The following NRXN1 variants were observed in gnomAD, a reference collection of about 807,000 sequenced individuals.
The protein encoded by NRXN1 is neurexin 1, also known as neurexin-1.
A neutral mutation model predicts 150.9 loss-of-function variants in NRXN1; 39 were observed. The ratio of observed to expected loss-of-function variants is 0.26; its 90% confidence interval spans 0.20 to 0.34. The LOEUF is 0.34. Ranked by LOEUF, NRXN1 falls within the 10% of genes least tolerant of loss-of-function variation. The pLI, the probability that NRXN1 is intolerant of heterozygous loss-of-function variation, is 1.00. For synonymous variants in NRXN1, 924 were observed against 757.0 expected (o/e 1.22, Z -3.62); for missense variants, 1,815 against 1,949.9 (o/e 0.93, Z 1.30).
At chr2:50,662,291 G>C (rs1687409655) in intron 5 of NRXN1, among the ~76,000 whole-genome samples, 1 of 151,924 alleles carries the variant, frequency 6.6e-6, no homozygotes, top group Admixed American at 6.6e-5. Flanking sequence ...GGTATGTTTT[G>C]AAACATACAG....
At position 50,993,875 on chromosome 2, in the gene NRXN1, C is replaced by A. The variant is rs138404570; in HGVS notation, c.772+33627G>T. On this transcript the variant is annotated intron_variant, in intron 2 of 22. Coordinates refer to ENST00000401669, the MANE Select transcript of NRXN1 (RefSeq NM_001330078.2). ...GATGATTATGCTGAAAAGGGGAACC[C>A]AGAGCACTTTGCAAATTTATGTTCT... Among the ~76,000 whole-genome samples the A allele has an allele frequency of 7.6e-3, 1,149 of 152,034 alleles. 8 individuals are homozygous for A. The highest frequency in any genetic ancestry group is 0.011 in the Non-Finnish European group (735 of 67,912).
At chr2:50,241,292 A>T (rs969975110) in intron 17 of NRXN1, among the ~76,000 whole-genome samples, 2 of 151,768 alleles carry the variant, frequency 1.3e-5, no homozygotes, top group Non-Finnish European at 2.9e-5. Flanking sequence ...CTTTTTAAAA[A>T]TTTTATCTTT....
chr2:50,539,591 A>C (rs1025278081), intron 9 of NRXN1, among the ~76,000 whole-genome samples: 2 of 152,204 alleles, frequency 1.3e-5, no homozygotes, highest in South Asian at 2.1e-4. Context: ...AGATTACCAA[A>C]ATTCCACTGA....
intron 18 of NRXN1, among the ~76,000 whole-genome samples, chr2:50,095,589 ACT>A (rs1700107247): frequency 6.6e-6 from 1 of 152,014 alleles, no homozygotes; most frequent in Non-Finnish European, 1.5e-5. Flanking sequence ...AATGCACTAA[ACT>A]CTGAAATAAG....
chr2:50,199,248 T>A (rs572280665), intron 18 of NRXN1: 2 of 152,132 alleles, frequency 1.3e-5, no homozygotes, highest in Non-Finnish European at 2.9e-5. Flanking sequence ...ATATCCATCA[T>A]TGGCTCCAGA....
intron 18 of NRXN1, among the ~76,000 whole-genome samples, chr2:50,113,602 C>T (rs974608818): frequency 6.6e-6 from 1 of 152,186 alleles, no homozygotes; most frequent in African/African-American, 2.4e-5. Flanking sequence ...GCTATTTATA[C>T]AGTTGATCTA....
chr2:50,953,298 T>C (rs1178055331), intron 2 of NRXN1, among the ~76,000 whole-genome samples: 1 of 152,148 alleles, frequency 6.6e-6, no homozygotes, highest in Non-Finnish European at 1.5e-5. Flanking sequence ...CCTAATGAGG[T>C]TGTTACAACA....
At chr2:49,977,676 T>C (rs1052695107) in intron 21 of NRXN1, among the ~76,000 whole-genome samples, 1 of 152,060 alleles carries the variant, frequency 6.6e-6, no homozygotes, top group Non-Finnish European at 1.5e-5. Context: ...ACTCAAAGGA[T>C]GGTGACCTGG....
At chr2:51,025,536 C>A (rs984298384) in intron 2 of NRXN1, among the ~76,000 whole-genome samples, 8 of 152,140 alleles carry the variant, frequency 5.3e-5, no homozygotes, top group African/African-American at 1.9e-4. Flanking sequence ...ATATTTGTTT[C>A]CTAATTTAAG....
chr2:50,989,859 GT>G (rs1698283762), intron 2 of NRXN1, among the ~76,000 whole-genome samples: 1 of 152,030 alleles, frequency 6.6e-6, no homozygotes, highest in Non-Finnish European at 1.5e-5. Context: ...TTGGTAGTAT[GT>G]TAGACTTTAT....
intron 8 of NRXN1, among the ~76,000 whole-genome samples, chr2:50,608,596 C>T (rs942741535): frequency 6.6e-6 from 1 of 151,988 alleles, no homozygotes; most frequent in African/African-American, 2.4e-5. Context: ...TATTGTTAAA[C>T]AGATAATAAA....
intron 17 of NRXN1, among the ~76,000 whole-genome samples, chr2:50,308,489 A>G (rs1372110913): frequency 6.6e-6 from 1 of 151,710 alleles, no homozygotes; most frequent in Non-Finnish European, 1.5e-5. Flanking sequence ...CGCAACTTCC[A>G]CGTAAGTTTT....
At position 49,962,358 on chromosome 2, in the gene NRXN1, A is replaced by AT. The variant is rs75171792; in HGVS notation, c.4129-18568dup. Among the ~76,000 whole-genome samples, 2,331 of 152,236 alleles carry AT rather than the reference A, an allele frequency of 0.015. 165 individuals carry two copies. In the East Asian group the frequency reaches 0.18, roughly 12 times the overall value. On this transcript the variant is annotated intron_variant, in intron 21 of 22. Coordinates refer to ENST00000401669, the MANE Select transcript of NRXN1 (RefSeq NM_001330078.2). ...TTTGCATCCCGTAATAGAAATTTGG[A>AT]TTTTTTTAAATTGAGAATTGTAATG...
chr2:50,118,977 C>CT (rs751849660), intron 18 of NRXN1, among the ~76,000 whole-genome samples: 5,912 of 139,030 alleles, frequency 0.043, 335 homozygotes, highest in African/African-American at 0.14. Context: ...GTTAACCTGT[C>CT]TTTTTTTTTT....
intron 5 of NRXN1, among the ~76,000 whole-genome samples, chr2:50,816,553 C>T (rs1431610303): frequency 6.6e-6 from 1 of 152,098 alleles, no homozygotes; most frequent in Admixed American, 6.6e-5. Context: ...CTGGATTTAT[C>T]TTGCGTTATG....
intron 2 of NRXN1, among the ~76,000 whole-genome samples, chr2:51,015,053 A>G (rs529798407): frequency 1.1e-4 from 17 of 152,212 alleles, no homozygotes; most frequent in African/African-American, 4.1e-4. Context: ...CAGAGCCAGA[A>G]GTCAAGCAAT....
intron 18 of NRXN1, among the ~76,000 whole-genome samples, chr2:50,112,952 A>G (rs1296503813): frequency 3.3e-5 from 5 of 152,208 alleles, no homozygotes; most frequent in Non-Finnish European, 7.3e-5. Context: ...TCTGGTGCCT[A>G]TGCCATTTCT....
At chr2:50,144,214 C>A (rs568685249) in intron 18 of NRXN1, among the ~76,000 whole-genome samples, 2 of 151,954 alleles carry the variant, frequency 1.3e-5, no homozygotes, top group South Asian at 4.1e-4. Flanking sequence ...CTTTCTAATT[C>A]GGACAGTAGC....
intron 18 of NRXN1, among the ~76,000 whole-genome samples, chr2:50,166,764 T>C (rs1243343682): frequency 6.6e-6 from 1 of 152,156 alleles, no homozygotes; most frequent in Non-Finnish European, 1.5e-5. Context: ...ACATTTCATG[T>C]GAGGTCTTGT....
Sources: allele counts gnomAD v4.1 joint callset (sites outside exome capture counted in the v4.1 genomes callset), GRCh38; gene constraint gnomAD v4.1.1; transcripts MANE v1.5; gene names NCBI Gene and HGNC (gene_info 2026-07-23, HGNC 2026-07-21).